Variants in RYR1 observed in about 807,000 individuals in gnomAD.
RYR1 encodes the protein ryanodine receptor 1, also known as central core disease of muscle.
RYR1 carries 342 observed loss-of-function variants against 583.5 expected under a neutral mutation model. That is an observed-to-expected ratio of 0.59 (90% CI 0.54 to 0.64). The LOEUF is 0.64. Ranked by LOEUF, RYR1 falls within the 30% of genes least tolerant of loss-of-function variation. The pLI, the probability that RYR1 is intolerant of heterozygous loss-of-function variation, is 0.00. For missense variants in RYR1, 6,032 were observed against 6,917.2 expected (o/e 0.87, Z 4.54); for synonymous variants, 2,791 against 2,822.5 (o/e 0.99, Z 0.35).
intron 30 of RYR1, among the ~76,000 whole-genome samples, chr19:38,478,123 T>G (rs773030101): frequency 2.6e-5 from 4 of 152,124 alleles, no homozygotes; most frequent in Non-Finnish European, 5.9e-5. Flanking sequence ...TTTCTCCTTT[T>G]CCTTCTCATC....
intron 47 of RYR1, among the ~76,000 whole-genome samples, chr19:38,502,136 G>A (rs906104682): frequency 9.2e-5 from 14 of 152,146 alleles, no homozygotes; most frequent in African/African-American, 3.4e-4. Flanking sequence ...CAGCCTGGGC[G>A]ACAGAGACCC....
chr19:38,486,045 G>T lies in RYR1; in HGVS notation c.5390G>T (p.Arg1797Leu). The T allele has an allele frequency of 1.9e-6, 3 of 1,612,720 alleles. No individual in the cohort carries two copies. Among genetic ancestry groups the T allele is most frequent in the Non-Finnish European group, 2.5e-6 (3 of 1,179,514 alleles). The change falls in exon 34 of 106, where the codon CGC becomes CTC. Residue 1797 changes from arginine to leucine, a missense_variant. Arg to Leu is a moderately radical substitution (Grantham distance 102). Around this residue, in one of 11 missense-constraint regions of RYR1, gnomAD observed 2,627 missense variants for 2,961.3 expected, o/e 0.89. Coordinates refer to ENST00000359596, the MANE Select transcript of RYR1 (RefSeq NM_000540.3). Reference protein sequence around the residue: ...PAAGAAEAPARLSPAIPLEAL... With the variant: ...PAAGAAEAPALLSPAIPLEAL... ...GCTGGGGCAGCAGAGGCCCCGGCCC[G>T]CCTCAGCCCTGCCATCCCGCTGGAG...
At chr19:38,446,622 C>T (rs1972955745) in intron 8 of RYR1, 57 bp downstream of exon 8, 2 of 1,600,504 alleles carry the variant, frequency 1.2e-6, no homozygotes, top group Non-Finnish European at 1.7e-6. Context: ...AGGGCTGGGA[C>T]CCTATGAGTA....
At chr19:38,516,255 A>G (rs774982545) in intron 65 of RYR1, 38 bp downstream of exon 65, 2 of 1,570,924 alleles carry the variant, frequency 1.3e-6, no homozygotes, top group Middle Eastern at 1.7e-4. Flanking sequence ...TGGGAGTCCA[A>G]ATCTCCCCAG....
At chr19:38,536,139 C>G (rs1971954994) in intron 82 of RYR1, 69 bp downstream of exon 82, 1 of 1,375,486 alleles carries the variant, frequency 7.3e-7, no homozygotes, top group South Asian at 1.2e-5. Context: ...ACCCCACCCC[C>G]ACCCGCCATT....
chr19:38,579,590 CAAAAAAA>C (rs1236481962), intron 99 of RYR1, among the ~76,000 whole-genome samples: 2 of 62,236 alleles, frequency 3.2e-5, no homozygotes, highest in African/African-American at 1.2e-4. Context: ...AACTCCATCT[CAAAAAAA>C]AAAAAAAAAA....
At chr19:38,539,220 A>G (rs953448010) in intron 84 of RYR1, among the ~76,000 whole-genome samples, 1 of 149,066 alleles carries the variant, frequency 6.7e-6, no homozygotes. Context: ...CCTTTGTGCC[A>G]TGGGACTAAG....
At chr19:38,584,116 C>G (rs1440945236) in intron 101 of RYR1, among the ~76,000 whole-genome samples, 2 of 151,976 alleles carry the variant, frequency 1.3e-5, no homozygotes, top group Non-Finnish European at 2.9e-5. Context: ...CACCTGATCA[C>G]CTAGGCTGGA....
chr19:38,532,861 A>G, intron 78 of RYR1, 125 bp downstream of exon 78: 1 of 928,362 alleles, frequency 1.1e-6, no homozygotes, highest in Admixed American at 2.1e-5. Flanking sequence ...AAGTCAGTCC[A>G]CTGGGGAGAC....
intron 42 of RYR1, among the ~76,000 whole-genome samples, chr19:38,497,478 CT>C (rs1192403958): frequency 2.0e-5 from 3 of 152,236 alleles, no homozygotes; most frequent in Non-Finnish European, 2.9e-5. Context: ...GACTTAGACT[CT>C]CCAGACCCCT....
chr19:38,435,422 C>T (rs1363183069), intron 1 of RYR1, among the ~76,000 whole-genome samples: 1 of 152,102 alleles, frequency 6.6e-6, no homozygotes, highest in Non-Finnish European at 1.5e-5. Flanking sequence ...TTACTGAGGT[C>T]GTGGTGGATT....
At chr19:38,466,032 T>A in intron 23 of RYR1, 59 bp from the exon 24 acceptor site, 4 of 1,512,406 alleles carry the variant, frequency 2.6e-6, no homozygotes, top group East Asian at 2.4e-5. Context: ...TCCCATATAG[T>A]GCAGAGCCCG....
chr19:38,502,418 T>C (rs1033084275), intron 47 of RYR1, 89 bp from the exon 48 acceptor site: 81 of 1,274,044 alleles, frequency 6.4e-5, no homozygotes, highest in Non-Finnish European at 8.7e-5. Context: ...ATCAGAAGCT[T>C]GGATCCTTTG....
Position 38,506,381 on chromosome 19 carries a change from A to G in RYR1, c.8616+4A>G. Reference sequence around the variant, plus strand: ...TACCCTGTCCCGGGAGCTGCAGGTGAGAGCCCTGATCCTTTTGGGGGGACA... The same window carrying G: ...TACCCTGTCCCGGGAGCTGCAGGTGGGAGCCCTGATCCTTTTGGGGGGACA... On this transcript the variant is annotated splice_donor_region_variant and intron_variant, in intron 55 of 105. Coordinates refer to ENST00000359596, the MANE Select transcript of RYR1 (RefSeq NM_000540.3). 2 of 1,613,584 alleles carry G rather than the reference A, an allele frequency of 1.2e-6. No individual in the cohort carries two copies. Among genetic ancestry groups the G allele is most frequent in the Non-Finnish European group, 1.7e-6 (2 of 1,179,762 alleles).
At chr19:38,476,083 T>A (rs532030520) in intron 29 of RYR1, among the ~76,000 whole-genome samples, 1 of 152,078 alleles carries the variant, frequency 6.6e-6, no homozygotes, top group Admixed American at 6.6e-5. Flanking sequence ...AGTGCAGTGG[T>A]GTGATCTTGG....
In RYR1 at chr19:38,504,808, C is replaced by G; in HGVS notation, c.8128C>G (p.Leu2710Val). The G allele has an allele frequency of 1.3e-5, 21 of 1,614,136 alleles. No individual in the cohort carries two copies. Among genetic ancestry groups the G allele is most frequent in the Non-Finnish European group, 1.7e-5 (20 of 1,180,012 alleles). The change falls in exon 51 of 106, where the codon CTG becomes GTG. Residue 2710 changes from leucine to valine, a missense_variant. Physicochemically the swap from Leu to Val is conservative, Grantham distance 32. Coordinates refer to ENST00000359596, the MANE Select transcript of RYR1 (RefSeq NM_000540.3). ...MPCLCAIAGA[L>V]PPDYVDASYS... ...TTGTCTGTGCGCCATTGCCGGGGCT[C>G]TGCCCCCCGACTATGTGGATGCCTC...
chr19:38,454,917 T>C (rs938140059), intron 13 of RYR1, among the ~76,000 whole-genome samples: 2 of 151,946 alleles, frequency 1.3e-5, no homozygotes, highest in Non-Finnish European at 2.9e-5. Flanking sequence ...GTGGGGTTCC[T>C]GGAAGTGAGT....
chr19:38,582,322 G>A (rs568586899), intron 101 of RYR1, among the ~76,000 whole-genome samples: 17 of 151,966 alleles, frequency 1.1e-4, no homozygotes, highest in Non-Finnish European at 2.1e-4. Context: ...ACTTGAACCC[G>A]GGAGGTGGAG....
At chr19:38,576,916 C>T (rs1339107124) in intron 97 of RYR1, among the ~76,000 whole-genome samples, 12 of 152,130 alleles carry the variant, frequency 7.9e-5, no homozygotes, top group Admixed American at 7.2e-4. Flanking sequence ...GACGGAGTCT[C>T]GCTCTGTTAC....
Sources: allele counts gnomAD v4.1 joint callset (sites outside exome capture counted in the v4.1 genomes callset), GRCh38; gene constraint gnomAD v4.1.1; regional missense constraint gnomAD v4.1.1; transcripts MANE v1.5; gene names NCBI Gene and HGNC (gene_info 2026-07-23, HGNC 2026-07-21).